Variants in TPD52 observed in about 807,000 individuals in gnomAD.
TPD52 encodes tumor protein D52.
In TPD52, 17 loss-of-function variants were observed where a neutral mutation model predicts 31.3. The ratio of observed to expected loss-of-function variants is 0.54; its 90% CI spans 0.37 to 0.82. The LOEUF is 0.82. Ranked by LOEUF, TPD52 falls within the 40% of genes least tolerant of loss-of-function variation. The pLI is 0.00. For synonymous variants in TPD52, 83 were observed against 89.6 expected (o/e 0.93, Z 0.42); for missense variants, 212 against 240.1 (o/e 0.88, Z 0.77).
At chr8:80,044,779 G>A (rs933448353) in intron 5 of TPD52, among the ~76,000 whole-genome samples, 1 of 152,136 alleles carries the variant, frequency 6.6e-6, no homozygotes, top group Admixed American at 6.5e-5. Flanking sequence ...CTCGTAAAAT[G>A]ATTGTATTCT....
chr8:80,127,166 A>C (rs1808676790), intron 1 of TPD52, among the ~76,000 whole-genome samples: 1 of 152,220 alleles, frequency 6.6e-6, no homozygotes, highest in African/African-American at 2.4e-5. Flanking sequence ...TACAAAAGAA[A>C]TTCAGGTTTA....
intron 1 of TPD52, among the ~76,000 whole-genome samples, chr8:80,065,155 T>C (rs568507947): frequency 3.7e-4 from 57 of 152,064 alleles, no homozygotes; most frequent in Admixed American, 6.5e-4. Flanking sequence ...TGTTTGTTTG[T>C]TTGTTTTAGG....
intron 1 of TPD52, among the ~76,000 whole-genome samples, chr8:80,161,847 A>G (rs1168549248): frequency 6.6e-6 from 1 of 151,432 alleles, no homozygotes; most frequent in East Asian, 1.9e-4. Context: ...CTCTTGCCTC[A>G]GCCTCCTGAG....
intron 1 of TPD52, among the ~76,000 whole-genome samples, chr8:80,104,880 C>G (rs577360533): frequency 6.6e-6 from 1 of 151,444 alleles, no homozygotes; most frequent in African/African-American, 2.4e-5. Context: ...GGCAACGTGG[C>G]GAAACCCCAT....
rs1319414372 is a variant in TPD52, at chr8:80,053,353, A to G, written c.213T>C (p.Leu71=). 1 of 1,613,752 alleles carries G rather than the reference A, an allele frequency of 6.2e-7. No individual in the cohort carries two copies. The highest frequency in any genetic ancestry group is 8.5e-7 in the Non-Finnish European group (1 of 1,179,764). The change falls in exon 3 of 8, where the codon CTT becomes CTC. Residue 71 remains leucine, a synonymous_variant. Coordinates refer to ENST00000518937, the MANE Select transcript of TPD52 (RefSeq NM_001025253.3). ...EKHLAEIKRK[L]GINSLQELKQ... ...TTAGTTCCTGTAGAGAATTGATTCC[A>G]AGTTTCCGCTTGATCTCTGCTAGAT...
intron 2 of TPD52, among the ~76,000 whole-genome samples, chr8:80,055,626 T>G (rs1396776066): frequency 6.6e-6 from 1 of 152,164 alleles, no homozygotes; most frequent in Non-Finnish European, 1.5e-5. Context: ...GAGAGAACAT[T>G]TGCAAACTAT....
At chr8:80,101,448 C>CAAAAAAAAAAAAAAAAA (rs113660828) in intron 1 of TPD52, among the ~76,000 whole-genome samples, 1 of 114,656 alleles carries the variant, frequency 8.7e-6, no homozygotes, top group African/African-American at 2.9e-5. Context: ...ACTCCCAGCT[C>CAAAAAAAAAAAAAAAAA]AAAAAAAAAA....
At chr8:80,158,437 T>G (rs1811115315) in intron 1 of TPD52, 1 of 152,338 alleles carries the variant, frequency 6.6e-6, no homozygotes, top group Non-Finnish European at 1.5e-5. Context: ...GGTCACCTAC[T>G]TTGGGAATTC....
chr8:80,153,211 G>A (rs896127566), intron 1 of TPD52, among the ~76,000 whole-genome samples: 3 of 152,150 alleles, frequency 2.0e-5, no homozygotes, highest in African/African-American at 4.8e-5. Flanking sequence ...AGGAAAATAC[G>A]AACTACATTA....
At chr8:80,051,433 A>C in intron 4 of TPD52, 94 bp downstream of exon 4, 3 of 1,208,824 alleles carry the variant, frequency 2.5e-6, no homozygotes. Flanking sequence ...AGTAGCTAGC[A>C]TCAACTAGAG....
chr8:80,070,960 A>C (rs984236823), intron 1 of TPD52, among the ~76,000 whole-genome samples: 2 of 152,192 alleles, frequency 1.3e-5, no homozygotes, highest in Non-Finnish European at 2.9e-5. Flanking sequence ...TCCTTATAAG[A>C]AGGAAATTTG....
intron 1 of TPD52, among the ~76,000 whole-genome samples, chr8:80,073,267 T>A (rs1227639935): frequency 6.6e-6 from 1 of 152,242 alleles, no homozygotes; most frequent in African/African-American, 2.4e-5. Flanking sequence ...TGTCATTCAG[T>A]GACATCAATT....
chr8:80,131,101 C>T (rs1228215617), intron 1 of TPD52, among the ~76,000 whole-genome samples: 6 of 151,990 alleles, frequency 3.9e-5, no homozygotes, highest in Admixed American at 3.9e-4. Context: ...GTATTTAAAG[C>T]TTTGGTCCTG....
At chr8:80,066,812 A>T (rs929467865) in intron 1 of TPD52, 1 of 152,246 alleles carries the variant, frequency 6.6e-6, no homozygotes, top group South Asian at 2.1e-4. Context: ...ATGTGAAGAA[A>T]GTTGTATGAG....
At position 80,051,556 on chromosome 8, in the gene TPD52, T is replaced by C. The variant is rs1811391198; in HGVS notation, c.357A>G (p.Ser119=). The change falls in exon 4 of 8, where the codon TCA becomes TCG. Residue 119 remains serine, a synonymous_variant. Transcript: ENST00000518937. Reference sequence around the variant, plus strand: ...CATCTTCCAGCTTTTTGGTGATGACTGAGCCAACAGACGAAAAAGCAGCTG... The same window carrying C: ...CATCTTCCAGCTTTTTGGTGATGACCGAGCCAACAGACGAAAAAGCAGCTG... ...KASAAFSSVG[S]VITKKLEDVK... 3 of 1,613,690 alleles carry C rather than the reference T, an allele frequency of 1.9e-6. No homozygotes were observed. The highest frequency in any genetic ancestry group is 1.3e-5 in the African/African-American group (1 of 74,890).
chr8:80,156,904 TGGA>T (rs1333668184), intron 1 of TPD52, among the ~76,000 whole-genome samples: 1 of 149,264 alleles, frequency 6.7e-6, no homozygotes, highest in African/African-American at 2.5e-5. Context: ...TGGGGTGGGG[TGGA>T]GAAGAATGGG....
At chr8:80,159,786 T>C (rs1811225864) in intron 1 of TPD52, among the ~76,000 whole-genome samples, 1 of 152,230 alleles carries the variant, frequency 6.6e-6, no homozygotes. Context: ...AACTTAATTG[T>C]AATGCAAAGC....
chr8:80,063,930 A>AG (rs1337240422), intron 2 of TPD52, among the ~76,000 whole-genome samples: 19 of 53,246 alleles, frequency 3.6e-4, no homozygotes, highest in East Asian at 7.4e-4. Flanking sequence ...AGGGAGGGGG[A>AG]GGGGGGGCGG....
intron 1 of TPD52, among the ~76,000 whole-genome samples, chr8:80,127,091 A>G (rs1808668738): frequency 6.6e-6 from 1 of 150,674 alleles, no homozygotes. Context: ...AGCCTGGGCA[A>G]TGGAGCAAGA....
Sources: allele counts gnomAD v4.1 joint callset (sites outside exome capture counted in the v4.1 genomes callset), GRCh38; gene constraint gnomAD v4.1.1; transcripts MANE v1.5; gene names NCBI Gene and HGNC (gene_info 2026-07-23, HGNC 2026-07-21).